The following FAM120B variants were observed in gnomAD, a reference collection of about 807,000 sequenced individuals.
The protein encoded by FAM120B is family with sequence similarity 120 member B, also known as constitutive coactivator of peroxisome proliferator-activated receptor gamma.
A neutral mutation model predicts 96.3 loss-of-function variants in FAM120B; 83 were observed. That is an observed-to-expected ratio of 0.86 (90% CI 0.72 to 1.03). FAM120B has a LOEUF of 1.03. Ranked by LOEUF, FAM120B falls within the 50% of genes least tolerant of loss-of-function variation. The probability of loss-of-function intolerance (pLI) is 0.00; values close to 1 mark genes in which losing one functional copy is unlikely to be tolerated. For missense variants in FAM120B, 1,027 were observed against 1,121.2 expected (o/e 0.92, Z 1.20); for synonymous variants, 407 against 402.7 (o/e 1.01, Z -0.13).
chr6:170,297,132 C>T (rs1784032797), intron 1 of FAM120B, among the ~76,000 whole-genome samples: 2 of 152,234 alleles, frequency 1.3e-5, no homozygotes, highest in South Asian at 4.1e-4. Flanking sequence ...CCTGACACAG[C>T]CTCTGGAGTG....
At chr6:170,321,403 G>A (rs777931742) in intron 2 of FAM120B, among the ~76,000 whole-genome samples, 5 of 152,142 alleles carry the variant, frequency 3.3e-5, no homozygotes, top group African/African-American at 4.8e-5. Context: ...GTTACTGTTT[G>A]TTTCTTTGAG....
upstream of FAM120B, among the ~76,000 whole-genome samples, chr6:170,303,872 T>C (rs1784195637): frequency 6.6e-6 from 1 of 152,196 alleles, no homozygotes; most frequent in Admixed American, 6.5e-5. Flanking sequence ...TTATTCACTT[T>C]CCTATCTAGC....
intron 6 of FAM120B, among the ~76,000 whole-genome samples, chr6:170,368,685 G>A (rs986530109): frequency 1.2e-4 from 19 of 152,244 alleles, no homozygotes; most frequent in African/African-American, 4.3e-4. Context: ...AATAGTAGAT[G>A]TACTGGTCAG....
intron 9 of FAM120B, among the ~76,000 whole-genome samples, chr6:170,397,931 C>T (rs1319364876): frequency 6.6e-6 from 1 of 152,204 alleles, no homozygotes; most frequent in Admixed American, 6.5e-5. Context: ...TGTCATGTCC[C>T]CTACTCCTAG....
At position 170,318,828 on chromosome 6, in the gene FAM120B, G is replaced by A. The variant is rs992752804; in HGVS notation, c.1438G>A (p.Glu480Lys). 1 of 1,614,100 alleles carries A rather than the reference G, an allele frequency of 6.2e-7. No individual in the cohort carries two copies. The highest frequency in any genetic ancestry group is 8.5e-7 in the Non-Finnish European group (1 of 1,180,056). Reference sequence around the variant, plus strand: ...AGAAGTTCCCATGTATACAGGCCCTGAATCCAGGCAAGAAGTTTTAATACG... The same window carrying A: ...AGAAGTTCCCATGTATACAGGCCCTAAATCCAGGCAAGAAGTTTTAATACG... ...RQEVPMYTGP[E>K]SRQEVLIRTD... The change falls in exon 2 of 11, where the codon GAA becomes AAA. Residue 480 changes from glutamate (E) to lysine (K), a missense_variant. By Grantham distance (56) the Glu-to-Lys change is moderately conservative. This residue lies in a region of FAM120B where 880 missense variants were observed against 980.9 expected (regional missense o/e 0.90). Coordinates refer to ENST00000476287, the MANE Select transcript of FAM120B (RefSeq NM_032448.3).
rs889908250 is a variant in FAM120B at position 170,295,916 on chromosome 6, G to C, written c.48+463G>C. ...GGCATGTGCTGATTTGCATGAGAAC[G>C]GGCGGGTCGCGTGGCTCAGCTGGCG... On this transcript the variant is annotated intron_variant, in intron 1 of 10. Transcript: ENST00000537664. The surrounding 1 kb of genome is among the most constrained non-coding windows in gnomAD (Gnocchi z 7.8). Among the ~76,000 whole-genome samples, 3 of 152,030 alleles carry C rather than the reference G, an allele frequency of 2.0e-5. No homozygotes were observed. The highest frequency in any genetic ancestry group is 4.8e-5 in the African/African-American group (2 of 41,426).
chr6:170,328,523 C>A (rs1052705830), intron 3 of FAM120B, among the ~76,000 whole-genome samples: 3 of 152,174 alleles, frequency 2.0e-5, no homozygotes, highest in African/African-American at 7.2e-5. Context: ...TCATCTTTAT[C>A]GTTGTTCCCC....
At chr6:170,354,229 T>C (rs1333218385) in intron 5 of FAM120B, among the ~76,000 whole-genome samples, 1 of 152,118 alleles carries the variant, frequency 6.6e-6, no homozygotes, top group Admixed American at 6.5e-5. Context: ...ATACAGAAAA[T>C]TGAAACTGGA....
intron 6 of FAM120B, among the ~76,000 whole-genome samples, chr6:170,375,101 C>A (rs574975897): frequency 1.3e-5 from 2 of 152,230 alleles, no homozygotes; most frequent in Non-Finnish European, 2.9e-5. Flanking sequence ...CAGTTCAGGG[C>A]TCCCTCTGCT....
chr6:170,337,330 G>A (rs774639986), intron 4 of FAM120B, among the ~76,000 whole-genome samples: 1 of 152,104 alleles, frequency 6.6e-6, no homozygotes, highest in Non-Finnish European at 1.5e-5. Flanking sequence ...GATTGATTAC[G>A]CTTATTAATT....
chr6:170,373,979 AC>A (rs1011376773), intron 6 of FAM120B, among the ~76,000 whole-genome samples: 2 of 151,994 alleles, frequency 1.3e-5, no homozygotes, highest in African/African-American at 4.8e-5. Context: ...CCTCAGTTCT[AC>A]CTGGATTGTT....
Position 170,318,854 on chromosome 6 carries a change from G to T in FAM120B, c.1464G>T (p.Arg488=), listed in dbSNP as rs1242580379. The T allele has an allele frequency of 2.5e-6, 4 of 1,614,066 alleles. No homozygotes were observed. In the East Asian group the frequency reaches 8.9e-5, roughly 36 times the overall value. Residue 488 remains arginine, a synonymous_variant, in exon 2 of 11, where the codon CGG becomes CGT. Coordinates refer to ENST00000476287, the MANE Select transcript of FAM120B (RefSeq NM_032448.3). ...AATCCAGGCAAGAAGTTTTAATACG[G>T]ACAGACCCTGAATCTAGGCAAGAAA... ...GPESRQEVLI[R]TDPESRQEIM...
At chr6:170,328,524 G>A (rs1366961108) in intron 3 of FAM120B, among the ~76,000 whole-genome samples, 3 of 152,110 alleles carry the variant, frequency 2.0e-5, no homozygotes, top group Non-Finnish European at 4.4e-5. Context: ...CATCTTTATC[G>A]TTGTTCCCCA....
chr6:170,321,788 C>T (rs761235986), intron 2 of FAM120B, among the ~76,000 whole-genome samples: 6 of 152,100 alleles, frequency 3.9e-5, no homozygotes, highest in Admixed American at 1.3e-4. Flanking sequence ...TCCTGGGAGC[C>T]GGGCACGTTT....
upstream of FAM120B, chr6:170,295,248 C>T: frequency 1.7e-6 from 1 of 595,622 alleles, no homozygotes; most frequent in Non-Finnish European, 3.0e-6. The surrounding 1 kb of genome is among the most constrained non-coding windows in gnomAD (Gnocchi z 7.8). Flanking sequence ...CCTTACCCCC[C>T]AACACACACA....
In FAM120B at chr6:170,317,647, T is replaced by C; in HGVS notation, c.257T>C (p.Ile86Thr). ...TTTACGGCAGCTGGGATCAAGTTGA[T>C]ATTCTTCTTTGATGGCATGGTGGAG... ...KTFTAAGIKL[I>T]FFFDGMVEQD... Residue 86 changes from isoleucine (I) to threonine (T), a missense_variant, in exon 2 of 11, where the codon ATA becomes ACA. Ile to Thr is a moderately conservative substitution (Grantham distance 89). Coordinates refer to ENST00000476287, the MANE Select transcript of FAM120B (RefSeq NM_032448.3). The C allele has an allele frequency of 6.2e-7, 1 of 1,614,202 alleles. No homozygotes were observed. The highest frequency in any genetic ancestry group is 8.5e-7 in the Non-Finnish European group (1 of 1,180,046).
rs1749340101 is a variant in FAM120B, at chr6:170,318,154, A to C, written c.764A>C (p.Glu255Ala). 1 of 1,614,118 alleles carries C rather than the reference A, an allele frequency of 6.2e-7. No individual in the cohort carries two copies. The highest frequency in any genetic ancestry group is 1.7e-5 in the Admixed American group (1 of 60,008). The change falls in exon 2 of 11, where the codon GAG (glutamate) becomes GCG (alanine). Residue 255 changes from glutamate to alanine, a missense_variant. Coordinates refer to ENST00000476287, the MANE Select transcript of FAM120B (RefSeq NM_032448.3). Reference sequence around the variant, plus strand: ...TTATCGTCCTACACCTCTGTAAAAGAGAACTTTGACAAAAAAGGTAACATC... The same window carrying C: ...TTATCGTCCTACACCTCTGTAAAAGCGAACTTTGACAAAAAAGGTAACATC... ...KCLSSYTSVK[E>A]NFDKKGNIIL... is the part of the protein sequence containing the mutation.
At position 170,375,192 on chromosome 6, in the gene FAM120B, G is replaced by A. The variant is rs1789434299; in HGVS notation, c.2284-13095G>A. Among the ~76,000 whole-genome samples, 2 of 152,242 alleles carry A rather than the reference G, an allele frequency of 1.3e-5. 1 individual carries two copies. Among genetic ancestry groups the A allele is most frequent in the South Asian group, 4.1e-4 (2 of 4,836 alleles). ...CAATCTGTGGTTGTTGCTGTAATCA[G>A]TGTGTCAGCACAGAGTTCCGCAATT... is the stretch of plus-strand genomic sequence containing the variant. On this transcript the variant is annotated intron_variant, in intron 6 of 10. Coordinates refer to ENST00000476287, the MANE Select transcript of FAM120B (RefSeq NM_032448.3).
chr6:170,318,214 T>C lies in FAM120B; in HGVS notation c.824T>C (p.Leu275Pro). The C allele has an allele frequency of 6.2e-7, 1 of 1,613,880 alleles. No individual in the cohort carries two copies. The highest frequency in any genetic ancestry group is 8.5e-7 in the Non-Finnish European group (1 of 1,179,960). The change falls in exon 2 of 11, where the codon CTT becomes CCT. Residue 275 changes from leucine to proline, a missense_variant. Transcript: ENST00000476287. ...LAVSDHISKV[L>P]YLYQGEKKLE... Reference sequence around the variant, plus strand: ...GTGTCAGACCATATATCGAAAGTTCTTTACTTGTATCAAGGTGAGAAAAAA... The same window carrying C: ...GTGTCAGACCATATATCGAAAGTTCCTTACTTGTATCAAGGTGAGAAAAAA...
Sources: gnomAD v4.1 joint callset for allele counts (sites outside exome capture counted in the v4.1 genomes callset) on GRCh38, gnomAD v4.1.1 for gene constraint, gnomAD v4.1.1 regional missense constraint, Gnocchi (gnomAD v3.1) non-coding constraint, MANE v1.5 for transcripts, NCBI Gene and HGNC (gene_info 2026-07-23, HGNC 2026-07-21) for gene names.